RAD54L2: variants seen among roughly 807,000 people sequenced by gnomAD.
RAD54L2 encodes the protein helicase ARIP4.
Under a neutral mutation model 138.4 loss-of-function variants are expected in RAD54L2, and 27 were observed. The ratio of observed to expected loss-of-function variants is 0.20; its 90% CI spans 0.14 to 0.27. RAD54L2 has a LOEUF of 0.27. Ranked by LOEUF, RAD54L2 falls within the 10% of genes least tolerant of loss-of-function variation. The pLI is 1.00. For synonymous variants in RAD54L2, 644 were observed against 723.2 expected (o/e 0.89, Z 1.76); for missense variants, 1,396 against 1,890.2 (o/e 0.74, Z 4.85).
At chr3:51,593,684 C>T (rs564282182) in intron 3 of RAD54L2, among the ~76,000 whole-genome samples, 5 of 152,152 alleles carry the variant, frequency 3.3e-5, no homozygotes, top group African/African-American at 2.4e-5. Flanking sequence ...CCACAGCTTA[C>T]TTTTATATTG....
intron 15 of RAD54L2, among the ~76,000 whole-genome samples, chr3:51,642,924 A>T (rs1165236285): frequency 2.0e-5 from 3 of 152,116 alleles, no homozygotes; most frequent in African/African-American, 7.2e-5. Context: ...GTTGCTTCCT[A>T]CAACAGTAGT....
At chr3:51,598,242 A>T (rs955668067) in intron 3 of RAD54L2, among the ~76,000 whole-genome samples, 4 of 150,866 alleles carry the variant, frequency 2.7e-5, no homozygotes, top group Admixed American at 6.7e-5. Context: ...CTTTTGTTAT[A>T]ATGGTGCATG....
chr3:51,629,113 G>A (rs1010208338), intron 4 of RAD54L2, among the ~76,000 whole-genome samples: 34 of 152,084 alleles, frequency 2.2e-4, no homozygotes, highest in African/African-American at 6.5e-4. Flanking sequence ...TTGGCAGGTC[G>A]GGGAGTTAAA....
chr3:51,567,672 C>T (rs1033166560), intron 2 of RAD54L2, among the ~76,000 whole-genome samples: 3 of 152,004 alleles, frequency 2.0e-5, no homozygotes, highest in Non-Finnish European at 4.4e-5. Flanking sequence ...TGGTGCTTTT[C>T]TGAATCTATC....
At chr3:51,542,449 CTTTT>C (rs869048851) in intron 2 of RAD54L2, among the ~76,000 whole-genome samples, 3 of 142,872 alleles carry the variant, frequency 2.1e-5, no homozygotes, top group Non-Finnish European at 3.1e-5. Flanking sequence ...TTGAGGTTGT[CTTTT>C]TTTTTTTTTT....
intron 2 of RAD54L2, among the ~76,000 whole-genome samples, chr3:51,586,813 C>T (rs1053123154): frequency 6.6e-6 from 1 of 152,000 alleles, no homozygotes; most frequent in African/African-American, 2.4e-5. Flanking sequence ...AGGTGATCTG[C>T]TCACTTCAGC....
intron 2 of RAD54L2, among the ~76,000 whole-genome samples, chr3:51,567,271 A>G (rs1480908746): frequency 6.6e-6 from 1 of 152,102 alleles, no homozygotes; most frequent in African/African-American, 2.4e-5. Flanking sequence ...AGTTATTATA[A>G]TTTTATCCAC....
Position 51,653,739 on chromosome 3 carries a change from C to T in RAD54L2, c.3027-2232C>T, listed in dbSNP as rs577458576. On this transcript the variant is annotated intron_variant, in intron 19 of 22. Transcript: ENST00000684192. ...AGGTGGGAATTGAACAATGAGAACA[C>T]GTGGACACAGGAAGGGGAACATCAC... 5.3e-5 allele frequency among the ~76,000 whole-genome samples: 8 copies of T among 152,110 alleles called. No homozygotes were observed. In the South Asian group the frequency reaches 6.2e-4, roughly 12 times the overall value.
chr3:51,656,662 C>G (rs759949072), intron 20 of RAD54L2, among the ~76,000 whole-genome samples: 3 of 152,064 alleles, frequency 2.0e-5, no homozygotes, highest in Non-Finnish European at 4.4e-5. Context: ...GGAGCTGGTT[C>G]TGTGATTCAG....
In RAD54L2 at chr3:51,580,052, G is replaced by T. The variant is rs574121809; in HGVS notation, c.-54-10315G>T. Among the ~76,000 whole-genome samples, 16 of 152,088 alleles carry T rather than the reference G, an allele frequency of 1.1e-4. No individual in the cohort carries two copies. The East Asian group carries it at 3.1e-3, about 29-fold the overall frequency. On this transcript the variant is annotated intron_variant, in intron 2 of 22. Coordinates refer to ENST00000684192, the MANE Select transcript of RAD54L2 (RefSeq NM_015106.4). The stretch of plus-strand genomic sequence containing the variant: ...GTATTCAATTCTGACACTGCCGGGA[G>T]TTGGAGCAGATACCACAGGCTAAGG...
chr3:51,589,566 A>G (rs1699789986), intron 2 of RAD54L2, among the ~76,000 whole-genome samples: 2 of 152,054 alleles, frequency 1.3e-5, no homozygotes, highest in East Asian at 3.9e-4. Flanking sequence ...ATATGTCACT[A>G]GCCTGGGAAA....
At chr3:51,593,222 A>G (rs1319506388) in intron 3 of RAD54L2, among the ~76,000 whole-genome samples, 1 of 152,058 alleles carries the variant, frequency 6.6e-6, no homozygotes, top group Non-Finnish European at 1.5e-5. Context: ...ACATCCTACA[A>G]TGCATAGGAG....
At chr3:51,654,716 G>C (rs1701553339) in intron 19 of RAD54L2, among the ~76,000 whole-genome samples, 1 of 152,088 alleles carries the variant, frequency 6.6e-6, no homozygotes, top group South Asian at 2.1e-4. Context: ...AAAGCCACAT[G>C]GAGAGAAGAT....
At chr3:51,653,431 G>T (rs1000647868) in intron 19 of RAD54L2, among the ~76,000 whole-genome samples, 3 of 152,152 alleles carry the variant, frequency 2.0e-5, no homozygotes, top group Admixed American at 2.0e-4. Context: ...CCATTACTGG[G>T]TATATACCCA....
At chr3:51,628,168 ACTC>A (rs1380571362) in intron 4 of RAD54L2, among the ~76,000 whole-genome samples, 5 of 152,034 alleles carry the variant, frequency 3.3e-5, no homozygotes, top group Non-Finnish European at 7.4e-5. Context: ...CCAAAGCAAG[ACTC>A]CTTCTAAGAG....
At chr3:51,572,005 A>G (rs1015050086) in intron 2 of RAD54L2, among the ~76,000 whole-genome samples, 7 of 152,118 alleles carry the variant, frequency 4.6e-5, no homozygotes, top group Non-Finnish European at 8.8e-5. Flanking sequence ...TTTTGGTTTT[A>G]GGTGAAATGT....
intron 3 of RAD54L2, among the ~76,000 whole-genome samples, chr3:51,599,155 G>T (rs1488056388): frequency 1.3e-5 from 2 of 152,136 alleles, no homozygotes; most frequent in African/African-American, 4.8e-5. Flanking sequence ...TGGTCGCTTG[G>T]TGGTGGGGAG....
chr3:51,612,691 TA>T (rs11299726), intron 3 of RAD54L2, among the ~76,000 whole-genome samples: 97,629 of 141,752 alleles, frequency 0.69, 33,894 homozygotes, highest in Middle Eastern at 0.8. Context: ...GTCTTTGTTG[TA>T]AAAAAAAAAA....
At chr3:51,659,969 C>A in intron 21 of RAD54L2, 57 bp from the exon 22 acceptor site, 1 of 1,360,440 alleles carries the variant, frequency 7.4e-7, no homozygotes, top group East Asian at 2.5e-5. Flanking sequence ...TGGAGTTTCC[C>A]AGGGTTGGCT....
Sources: allele counts gnomAD v4.1 joint callset (sites outside exome capture counted in the v4.1 genomes callset), GRCh38; gene constraint gnomAD v4.1.1; transcripts MANE v1.5; gene names NCBI Gene and HGNC (gene_info 2026-07-23, HGNC 2026-07-21).